SLC4A1AP: variants seen among roughly 807,000 people sequenced by gnomAD.
SLC4A1AP encodes kanadaptin.
Under a neutral mutation model 89.7 loss-of-function variants are expected in SLC4A1AP, and 64 were observed. The observed-to-expected ratio is 0.71, with a 90% CI of 0.58 to 0.88. The LOEUF (loss-of-function observed/expected upper bound fraction) is 0.88, where lower values mean the gene tolerates loss of function less well. SLC4A1AP is among the 40% of genes least tolerant of loss of function. The pLI is 0.00. For missense variants in SLC4A1AP, 931 were observed against 965.0 expected, an observed-to-expected ratio of 0.96 and a Z score of 0.47; for synonymous variants, 366 against 353.3, an observed-to-expected ratio of 1.04 and a Z score of -0.40.
exon 1 of SLC4A1AP, chr2:27,664,350 T>C (rs747540922): frequency 2.5e-6 from 4 of 1,614,056 alleles, no homozygotes; most frequent in Non-Finnish European, 3.4e-6. Context: ...CTGCGACGTG[T>C]GCCTGGAGCA....
chr2:27,690,008 T>G (rs1675764135), intron 12 of SLC4A1AP, among the ~76,000 whole-genome samples: 2 of 152,172 alleles, frequency 1.3e-5, no homozygotes, highest in Non-Finnish European at 2.9e-5. Flanking sequence ...CTTGTGATGC[T>G]TTATGGAAAA....
At chr2:27,673,033 A>C (rs988225191) in intron 5 of SLC4A1AP, among the ~76,000 whole-genome samples, 1 of 116,780 alleles carries the variant, frequency 8.6e-6, no homozygotes, top group Non-Finnish European at 2.1e-5. Context: ...TACCCTTTCC[A>C]GAGATTAACC....
At chr2:27,668,999 C>T in intron 4 of SLC4A1AP, 96 bp downstream of exon 4, 2 of 1,274,966 alleles carry the variant, frequency 1.6e-6, no homozygotes, top group East Asian at 2.3e-5. Flanking sequence ...TAACTTTCAT[C>T]TAAGTTTAAG....
rs950096223 is a variant in SLC4A1AP at position 27,694,569 on chromosome 2, A to C, written c.2342-65A>C. 5 of 1,233,456 alleles carry C rather than the reference A, an allele frequency of 4.1e-6. No individual in the cohort carries two copies. In the African/African-American group the frequency reaches 4.5e-5, roughly 11 times the overall value. 76.4% of individuals were successfully genotyped at this position (1,233,456 alleles called of 1,614,324 possible). On this transcript the variant is annotated intron_variant, in intron 13 of 13. Coordinates refer to ENST00000613058, the Ensembl canonical transcript of SLC4A1AP. ...TACTTTTTGGCCTACTGATATCTGG[A>C]TATCTTTTCTCTCCTGACTTTGGAA...
chr2:27,674,619 A>AT (rs1675483903), intron 5 of SLC4A1AP, among the ~76,000 whole-genome samples: 1 of 147,480 alleles, frequency 6.8e-6, no homozygotes, highest in Non-Finnish European at 1.5e-5. Context: ...TATTTATTGT[A>AT]TTTTTCTGTG....
chr2:27,687,352 G>A (rs912154474), intron 10 of SLC4A1AP, among the ~76,000 whole-genome samples: 7 of 152,002 alleles, frequency 4.6e-5, no homozygotes, highest in African/African-American at 1.2e-4. Flanking sequence ...GGAGGCCGAA[G>A]TAGGAGAATG....
chr2:27,664,085 C>A (rs1341846449), exon 1 of SLC4A1AP: 1 of 1,614,174 alleles, frequency 6.2e-7, no homozygotes, highest in Non-Finnish European at 8.5e-7. Flanking sequence ...TGCAGGACTC[C>A]AATTCTGGGG....
chr2:27,666,349 T>TCCACCAC (rs1289200172), intron 2 of SLC4A1AP, among the ~76,000 whole-genome samples: 1 of 2,324 alleles, frequency 4.3e-4, no homozygotes, highest in Non-Finnish European at 2.4e-3. Flanking sequence ...GACCTTGTGA[T>TCCACCAC]CCACCCCCCA....
At chr2:27,681,441 G>C (rs1186276235) in intron 8 of SLC4A1AP, among the ~76,000 whole-genome samples, 7 of 152,110 alleles carry the variant, frequency 4.6e-5, no homozygotes, top group African/African-American at 1.7e-4. Flanking sequence ...TGCCATTACT[G>C]TCCTTATATT....
intron 8 of SLC4A1AP, 104 bp downstream of exon 8, chr2:27,678,028 T>C: frequency 2.6e-6 from 2 of 756,464 alleles, no homozygotes; most frequent in Non-Finnish European, 4.0e-6. Context: ...AATACAAATG[T>C]AATGCAAGGA....
At chr2:27,667,376 T>C (rs1675346375) in exon 3 of SLC4A1AP, 1 of 1,612,372 alleles carries the variant, frequency 6.2e-7, no homozygotes, top group South Asian at 1.1e-5. Flanking sequence ...CTCCAAGGCT[T>C]TTTTGACCGA....
chr2:27,682,412 T>C (rs1368932953), intron 9 of SLC4A1AP, 53 bp downstream of exon 9: 1 of 1,126,368 alleles, frequency 8.9e-7, no homozygotes, highest in Non-Finnish European at 1.3e-6. Context: ...ATCCCTGAGC[T>C]AATTTTTCTC....
At chr2:27,677,745 A>G (rs1301950778) in exon 8 of SLC4A1AP, 15 of 1,599,264 alleles carry the variant, frequency 9.4e-6, no homozygotes, top group Non-Finnish European at 1.2e-5. Context: ...CAGTTCTATC[A>G]GAGTCTCCAT....
intron 9 of SLC4A1AP, 47 bp downstream of exon 9, chr2:27,682,406 C>G: frequency 8.5e-7 from 1 of 1,180,520 alleles, no homozygotes; most frequent in South Asian, 1.3e-5. Context: ...TGAGTTATCC[C>G]TGAGCTAATT....
At chr2:27,664,470 C>G in exon 1 of SLC4A1AP, 4 of 1,614,210 alleles carry the variant, frequency 2.5e-6, no homozygotes, top group Non-Finnish European at 1.7e-6. Context: ...GGGAAGCACC[C>G]ATGGCACTTT....
chr2:27,671,203 G>A (rs1234340349), intron 5 of SLC4A1AP, among the ~76,000 whole-genome samples: 1 of 152,046 alleles, frequency 6.6e-6, no homozygotes, highest in Admixed American at 6.5e-5. Flanking sequence ...TTACAGGCGT[G>A]AGCCACTGCG....
At chr2:27,686,890 CAG>C (rs1675711765) in intron 10 of SLC4A1AP, among the ~76,000 whole-genome samples, 1 of 152,148 alleles carries the variant, frequency 6.6e-6, no homozygotes, top group Non-Finnish European at 1.5e-5. Flanking sequence ...TTTATTGAGA[CAG>C]AGTCTTACTT....
Position 27,664,276 on chromosome 2 carries a change from G to A in SLC4A1AP, c.524G>A (p.Gly175Asp), listed in dbSNP as rs528154393. 3.1e-6 allele frequency: 5 copies of A among 1,614,210 alleles called. No homozygotes were observed. In the South Asian group the frequency reaches 5.5e-5, roughly 18 times the overall value. ...TACAGCTTAGAGACCCTGAAGGGCG[G>A]CACTATCCTTGGCACCCGTAGCTTG... Residue 175 changes from glycine to aspartate, a missense_variant, in exon 1 of 14, where the codon GGC becomes GAC. Transcript: ENST00000613058.
Position 27,677,290 on chromosome 2 carries a change from T to A in SLC4A1AP, c.1507-5T>A, listed in dbSNP as rs774758048. ...TTTGTAACCCTGTTGATTTGGGTGTTACAGGTTGCAAAATTAAATGATGCT... is the reference window on the plus strand; with the variant it reads ...TTTGTAACCCTGTTGATTTGGGTGTAACAGGTTGCAAAATTAAATGATGCT... On this transcript the variant is annotated splice_polypyrimidine_tract_variant and splice_region_variant and intron_variant, in intron 6 of 13. Coordinates refer to ENST00000613058, the Ensembl canonical transcript of SLC4A1AP. 3.7e-6 allele frequency: 6 copies of A among 1,604,224 alleles called. No individual in the cohort carries two copies. In the South Asian group the frequency reaches 6.6e-5, roughly 18 times the overall value.
Sources: allele counts gnomAD v4.1 joint callset (sites outside exome capture counted in the v4.1 genomes callset), GRCh38; gene constraint gnomAD v4.1.1; transcripts MANE v1.5; gene names NCBI Gene and HGNC (gene_info 2026-07-23, HGNC 2026-07-21).